SLC39A11: variants seen among roughly 807,000 people sequenced by gnomAD.
SLC39A11 encodes zinc transporter ZIP11.
In SLC39A11, 33 loss-of-function variants were observed where a neutral mutation model predicts 36.1. The ratio of observed to expected loss-of-function variants is 0.91; its 90% CI spans 0.69 to 1.22. The LOEUF is 1.22. Ranked by LOEUF, SLC39A11 falls within the 50% of genes most tolerant of loss-of-function variation. The pLI is 0.00. For synonymous variants in SLC39A11, 166 were observed against 170.3 expected (o/e 0.97, Z 0.20); for missense variants, 432 against 430.3 (o/e 1.00, Z -0.03).
chr17:72,893,107 C>T (rs926442477), intron 5 of SLC39A11, among the ~76,000 whole-genome samples: 1 of 152,188 alleles, frequency 6.6e-6, no homozygotes, highest in African/African-American at 2.4e-5. Context: ...CCACTACCAA[C>T]TTCCCTCCAA....
At chr17:72,862,034 T>C (rs976350963) in intron 5 of SLC39A11, among the ~76,000 whole-genome samples, 2 of 151,902 alleles carry the variant, frequency 1.3e-5, no homozygotes, top group Admixed American at 6.6e-5. Context: ...ACCAAAACCA[T>C]GAATCAACCC....
intron 6 of SLC39A11, among the ~76,000 whole-genome samples, chr17:72,824,294 C>A (rs188819445): frequency 6.6e-6 from 1 of 151,266 alleles, no homozygotes; most frequent in African/African-American, 2.4e-5. Flanking sequence ...TGAAGACATG[C>A]CTGCTTACCC....
chr17:73,075,166 A>C (rs1248497826), intron 3 of SLC39A11, among the ~76,000 whole-genome samples: 1 of 152,254 alleles, frequency 6.6e-6, no homozygotes, highest in Non-Finnish European at 1.5e-5. Context: ...ATCCCTAAGC[A>C]GGTGAACTAA....
At chr17:72,846,872 A>G (rs542863482) in intron 6 of SLC39A11, among the ~76,000 whole-genome samples, 16 of 152,348 alleles carry the variant, frequency 1.1e-4, no homozygotes, top group Middle Eastern at 3.4e-3. Context: ...ATTATGAATG[A>G]AAAACAAGTA....
At chr17:72,816,268 G>A (rs2077580723) in intron 6 of SLC39A11, among the ~76,000 whole-genome samples, 1 of 152,194 alleles carries the variant, frequency 6.6e-6, no homozygotes, top group South Asian at 2.1e-4. Context: ...ACAGGATGCT[G>A]TAACAGCAAT....
intron 7 of SLC39A11, among the ~76,000 whole-genome samples, chr17:72,670,139 TACACACACACACATTTTATATACACACAC>T (rs2070943937): frequency 6.8e-6 from 1 of 147,996 alleles, no homozygotes; most frequent in African/African-American, 2.5e-5. Context: ...GAGATACGTA[TACACACACACACATTTTATATACACACAC>T]ACACACACAC....
At position 72,653,467 on chromosome 17, in the gene SLC39A11, C is replaced by T. The variant is rs149316358; in HGVS notation, c.672-4199G>A. Among the ~76,000 whole-genome samples the T allele has an allele frequency of 1.3e-4, 19 of 145,992 alleles. No homozygotes were observed. The East Asian group carries it at 2.4e-3, about 19-fold the overall frequency. ...TTTTTTTTTTTTTGAGAAGGAGTCT[C>T]GCTCTGTCACCCAGGCTGAAGTGGT... On this transcript the variant is annotated intron_variant, in intron 7 of 9. Transcript: ENST00000255559.
intron 6 of SLC39A11, among the ~76,000 whole-genome samples, chr17:72,812,586 C>T (rs1025284291): frequency 2.6e-5 from 4 of 152,312 alleles, no homozygotes; most frequent in Non-Finnish European, 2.9e-5. Context: ...GTCAAAACAT[C>T]TGCTTCTGGT....
intron 4 of SLC39A11, among the ~76,000 whole-genome samples, chr17:73,022,921 GA>G (rs534251517): frequency 5.2e-4 from 76 of 145,360 alleles, no homozygotes; most frequent in East Asian, 2.6e-3. Flanking sequence ...GTTTCACAAA[GA>G]AAAAAAAAAA....
chr17:72,990,852 A>G (rs2089126263), intron 4 of SLC39A11, among the ~76,000 whole-genome samples: 1 of 152,238 alleles, frequency 6.6e-6, no homozygotes, highest in Non-Finnish European at 1.5e-5. Context: ...GACTGTCAAG[A>G]CCAGGGACCA....
chr17:72,786,198 A>G (rs2076508831), intron 6 of SLC39A11, among the ~76,000 whole-genome samples: 1 of 152,216 alleles, frequency 6.6e-6, no homozygotes, highest in Non-Finnish European at 1.5e-5. Flanking sequence ...ATCTGATGGA[A>G]ACATCACCCT....
chr17:72,753,889 C>CAAAAA (rs35076559), intron 6 of SLC39A11, among the ~76,000 whole-genome samples: 5 of 51,934 alleles, frequency 9.6e-5, no homozygotes, highest in East Asian at 6.0e-4. Flanking sequence ...AGTCATTATA[C>CAAAAA]AAAAAAAAAA....
At chr17:72,856,294 T>C (rs1320577818) in intron 5 of SLC39A11, among the ~76,000 whole-genome samples, 3 of 152,236 alleles carry the variant, frequency 2.0e-5, no homozygotes, top group African/African-American at 7.2e-5. Context: ...AATGGGTATT[T>C]CTTTGACTAC....
intron 5 of SLC39A11, among the ~76,000 whole-genome samples, chr17:72,910,926 C>CAAA (rs199741291): frequency 2.1e-4 from 24 of 111,960 alleles, no homozygotes; most frequent in East Asian, 6.4e-4. Flanking sequence ...GACTCCACCT[C>CAAA]AAAAAAAAAA....
At chr17:72,715,288 C>T (rs149848960) in intron 7 of SLC39A11, among the ~76,000 whole-genome samples, 1 of 152,366 alleles carries the variant, frequency 6.6e-6, no homozygotes, top group African/African-American at 2.4e-5. Flanking sequence ...TTAGCAATGC[C>T]TCTTCTGGCC....
chr17:72,955,788 T>C lies in SLC39A11; in HGVS notation c.307-7913A>G, dbSNP rs548345356. On this transcript the variant is annotated intron_variant, in intron 4 of 9. Coordinates refer to ENST00000255559, the MANE Select transcript of SLC39A11 (RefSeq NM_139177.4). ...GGGAAATGTTGCATAATACAGAACA[T>C]ACCGATCTAGGGTAACCACAAGTGG... Among the ~76,000 whole-genome samples the C allele has an allele frequency of 2.6e-4, 39 of 152,072 alleles. No individual in the cohort carries two copies. The South Asian group carries it at 8.1e-3, about 32-fold the overall frequency.
At chr17:72,734,983 CGCTTAGAAGA>C (rs1322566006) in intron 7 of SLC39A11, among the ~76,000 whole-genome samples, 1 of 152,138 alleles carries the variant, frequency 6.6e-6, no homozygotes, top group Non-Finnish European at 1.5e-5. Flanking sequence ...CCAGGCCCCG[CGCTTAGAAGA>C]GCAGTCTGCA....
At chr17:73,085,609 T>C (rs2060701505) in intron 2 of SLC39A11, among the ~76,000 whole-genome samples, 1 of 137,402 alleles carries the variant, frequency 7.3e-6, no homozygotes, top group Admixed American at 8.2e-5. Flanking sequence ...GCCATTGCAC[T>C]CTAGCCTAGG....
At chr17:72,953,108 G>T (rs1047837691) in intron 4 of SLC39A11, among the ~76,000 whole-genome samples, 4 of 151,996 alleles carry the variant, frequency 2.6e-5, no homozygotes, top group African/African-American at 4.8e-5. Context: ...CAGAAAGCAG[G>T]GTGTGGGCCA....
Sources: allele counts gnomAD v4.1 joint callset (sites outside exome capture counted in the v4.1 genomes callset), GRCh38; gene constraint gnomAD v4.1.1; transcripts MANE v1.5; gene names NCBI Gene and HGNC (gene_info 2026-07-23, HGNC 2026-07-21).